The following HDAC9 variants were observed in gnomAD, a reference collection of about 807,000 sequenced individuals.
The protein encoded by HDAC9 is histone deacetylase 9, also known as MEF-2 interacting transcription repressor (MITR) protein.
Under a neutral mutation model 139.4 loss-of-function variants are expected in HDAC9, and 41 were observed. That is an observed-to-expected ratio of 0.29 (90% CI 0.23 to 0.38). HDAC9 has a LOEUF of 0.38. HDAC9 is among the 10% of genes least tolerant of loss of function. The probability of loss-of-function intolerance (pLI) is 1.00; values close to 1 mark genes in which losing one functional copy is unlikely to be tolerated. For missense variants in HDAC9, 1,147 were observed against 1,297.0 expected, an observed-to-expected ratio of 0.88 and a Z score of 1.78; for synonymous variants, 517 against 476.2, an observed-to-expected ratio of 1.09 and a Z score of -1.12.
chr7:18,647,804 A>G lies in HDAC9; in HGVS notation c.1055A>G (p.Glu352Gly). 6.2e-7 allele frequency: 1 copy of G among 1,610,164 alleles called. No individual in the cohort carries two copies. ...SQLNASNSLK[E>G]KQKCETQTLR... The stretch of plus-strand genomic sequence containing the variant: ...ACACAGGCTTCGAATTCACTCAAAG[A>G]AAAGCAGAAGTGTGAGACGCAGACG... Residue 352 changes from glutamate (E) to glycine (G), a missense_variant, in exon 10 of 26, where the codon GAA becomes GGA. By Grantham distance (98) the Glu-to-Gly change is moderately conservative (BLOSUM62 -2). Around this residue, in one of 7 missense-constraint regions of HDAC9, gnomAD observed 264 missense variants for 273.8 expected, o/e 0.96. Transcript: ENST00000686413.
intron 2 of HDAC9, among the ~76,000 whole-genome samples, chr7:18,507,912 C>G (rs1219362291): frequency 6.6e-6 from 1 of 152,172 alleles, no homozygotes; most frequent in Non-Finnish European, 1.5e-5. Flanking sequence ...ATGGAAGCAA[C>G]TGAAGGAACA....
At chr7:18,143,021 C>T (rs942111947) in intron 1 of HDAC9, among the ~76,000 whole-genome samples, 3 of 152,156 alleles carry the variant, frequency 2.0e-5, no homozygotes, top group Non-Finnish European at 4.4e-5. Context: ...ATCCTTGGAT[C>T]CCTAGTTTTG....
chr7:18,702,211 C>T (rs1005850556), intron 12 of HDAC9, among the ~76,000 whole-genome samples: 1 of 152,182 alleles, frequency 6.6e-6, no homozygotes, highest in South Asian at 2.1e-4. Flanking sequence ...TCTCCAATTT[C>T]CCTGCATCTG....
chr7:18,443,146 T>C (rs1791947326), intron 1 of HDAC9, among the ~76,000 whole-genome samples: 1 of 152,194 alleles, frequency 6.6e-6, no homozygotes, highest in Non-Finnish European at 1.5e-5. Flanking sequence ...CCAGGAATGG[T>C]GAAGACCTAC....
At position 19,000,115 on chromosome 7, in the gene HDAC9, G is replaced by A. The variant is rs959501492; in HGVS notation, c.*4053G>A. ...CTTTCAAAAGAAATGAAAACCAGATGGTCTATGCTAAGAAGTGAAGGCATT... is the reference window on the plus strand; with the variant it reads ...CTTTCAAAAGAAATGAAAACCAGATAGTCTATGCTAAGAAGTGAAGGCATT... On this transcript the variant is annotated 3_prime_UTR_variant, in exon 26 of 26. Coordinates refer to ENST00000686413, the MANE Select transcript of HDAC9 (RefSeq NM_178425.4). 2 of 152,126 alleles carry A rather than the reference G, an allele frequency of 1.3e-5. No homozygotes were observed. Among genetic ancestry groups the A allele is most frequent in the Admixed American group, 1.3e-4 (2 of 15,280 alleles). The allele number at this position is 152,126 out of a possible 1,614,324, so 9.4% of individuals were successfully genotyped here. A position where few individuals can be genotyped will look rare whatever the true frequency, so the allele number is the denominator to read the frequency against.
chr7:18,285,604 A>G (rs758588190), upstream of HDAC9, among the ~76,000 whole-genome samples: 3 of 152,094 alleles, frequency 2.0e-5, no homozygotes, highest in Non-Finnish European at 2.9e-5. Context: ...TGTTTTTCAC[A>G]TCATGTGCTT....
chr7:18,234,334 A>T (rs1251743482), intron 2 of HDAC9, among the ~76,000 whole-genome samples: 2 of 152,206 alleles, frequency 1.3e-5, no homozygotes, highest in Non-Finnish European at 2.9e-5. Context: ...AATTGCCAAT[A>T]TGTAGAAGAG....
At chr7:18,345,121 A>G (rs1483346528) in intron 1 of HDAC9, among the ~76,000 whole-genome samples, 2 of 152,022 alleles carry the variant, frequency 1.3e-5, no homozygotes, top group African/African-American at 2.4e-5. Context: ...AGATGGTAGT[A>G]GGTGCTCCTG....
At chr7:18,857,570 G>T (rs1187663596) in intron 21 of HDAC9, among the ~76,000 whole-genome samples, 1 of 150,934 alleles carries the variant, frequency 6.6e-6, no homozygotes, top group Non-Finnish European at 1.5e-5. Flanking sequence ...GTTTTGAACT[G>T]GGAGAAAAAA....
chr7:18,539,089 T>G (rs1811865419), intron 2 of HDAC9, among the ~76,000 whole-genome samples: 2 of 152,146 alleles, frequency 1.3e-5, no homozygotes, highest in Admixed American at 6.5e-5. Flanking sequence ...CCAAATGCTA[T>G]CAACATATGA....
chr7:18,393,529 A>T (rs1786738795), intron 1 of HDAC9, among the ~76,000 whole-genome samples: 1 of 152,084 alleles, frequency 6.6e-6, no homozygotes. Context: ...TTTTAAAAGG[A>T]TGGATGAGGT....
chr7:18,963,870 C>A (rs1783683865), intron 24 of HDAC9, among the ~76,000 whole-genome samples: 1 of 151,976 alleles, frequency 6.6e-6, no homozygotes, highest in Non-Finnish European at 1.5e-5. Context: ...GTTTTTAATT[C>A]CTCATTTCTC....
chr7:18,347,799 A>G (rs1210797558), intron 1 of HDAC9, among the ~76,000 whole-genome samples: 1 of 151,654 alleles, frequency 6.6e-6, no homozygotes, highest in East Asian at 1.9e-4. Context: ...GGGTTCTCAA[A>G]CTCCTGACCT....
intron 1 of HDAC9, among the ~76,000 whole-genome samples, chr7:18,139,100 A>G (rs1278503376): frequency 1.3e-5 from 2 of 150,212 alleles, no homozygotes; most frequent in African/African-American, 4.9e-5. Flanking sequence ...GGGTATCACC[A>G]TCATATAATT....
chr7:18,639,973 G>A (rs2129007036), intron 8 of HDAC9, among the ~76,000 whole-genome samples: 1 of 152,038 alleles, frequency 6.6e-6, no homozygotes, highest in South Asian at 2.1e-4. Context: ...AGTCCAGGCT[G>A]CTCCTCACCA....
chr7:18,589,010 G>A (rs1466791329), intron 3 of HDAC9, among the ~76,000 whole-genome samples: 8 of 152,064 alleles, frequency 5.3e-5, no homozygotes, highest in Non-Finnish European at 7.4e-5. Flanking sequence ...TTTTATGTAC[G>A]TTATGAATAT....
intron 6 of HDAC9, among the ~76,000 whole-genome samples, chr7:18,598,985 G>T (rs1414414648): frequency 6.6e-6 from 1 of 152,170 alleles, no homozygotes; most frequent in Non-Finnish European, 1.5e-5. Context: ...AGTCCAACCT[G>T]GGTAACATAG....
At chr7:18,818,360 T>A (rs1019980231) in intron 17 of HDAC9, among the ~76,000 whole-genome samples, 1 of 152,224 alleles carries the variant, frequency 6.6e-6, no homozygotes, top group South Asian at 2.1e-4. Context: ...ATATTATACA[T>A]AAAACATTTT....
At chr7:18,109,719 G>A (rs762969006) in intron 1 of HDAC9, among the ~76,000 whole-genome samples, 2 of 151,890 alleles carry the variant, frequency 1.3e-5, no homozygotes, top group African/African-American at 2.4e-5. Context: ...ATGTGAATTT[G>A]AAGAGCTTCA....
Sources: gnomAD v4.1 joint callset for allele counts (sites outside exome capture counted in the v4.1 genomes callset) on GRCh38, gnomAD v4.1.1 for gene constraint, gnomAD v4.1.1 regional missense constraint, MANE v1.5 for transcripts, NCBI Gene and HGNC (gene_info 2026-07-23, HGNC 2026-07-21) for gene names.